DARS1: variants seen among roughly 807,000 people sequenced by gnomAD.
The protein encoded by DARS1 is aspartate--tRNA ligase, cytoplasmic.
Under a neutral mutation model 68.8 loss-of-function variants are expected in DARS1, and 51 were observed. The observed-to-expected ratio is 0.74, with a 90% CI of 0.59 to 0.94. The LOEUF (loss-of-function observed/expected upper bound fraction) is 0.94, where lower values mean the gene tolerates loss of function less well. Ranked by LOEUF, DARS1 falls within the 40% of genes least tolerant of loss-of-function variation. The pLI, the probability that DARS1 is intolerant of heterozygous loss-of-function variation, is 0.00. For synonymous variants in DARS1, 203 were observed against 190.4 expected, an observed-to-expected ratio of 1.07 and a Z score of -0.55; for missense variants, 607 against 597.3, an observed-to-expected ratio of 1.02 and a Z score of -0.17.
At chr2:135,973,385 T>C (rs938256615) in intron 3 of DARS1, among the ~76,000 whole-genome samples, 1 of 151,432 alleles carries the variant, frequency 6.6e-6, no homozygotes, top group African/African-American at 2.4e-5. Context: ...ATTGAACTCA[T>C]GGATATAGAG....
chr2:135,926,663 T>G (rs1383625474), intron 7 of DARS1, among the ~76,000 whole-genome samples: 1 of 152,222 alleles, frequency 6.6e-6, no homozygotes, highest in Non-Finnish European at 1.5e-5. Flanking sequence ...AAACAAATAT[T>G]TCAAAATACA....
At chr2:135,936,783 G>A (rs1681480191) in intron 5 of DARS1, among the ~76,000 whole-genome samples, 1 of 151,866 alleles carries the variant, frequency 6.6e-6, no homozygotes, top group African/African-American at 2.4e-5. Context: ...AAATTACAAG[G>A]TTTTGTAAGT....
chr2:135,957,802 G>A (rs1682012273), intron 4 of DARS1, among the ~76,000 whole-genome samples: 1 of 152,084 alleles, frequency 6.6e-6, no homozygotes, highest in South Asian at 2.1e-4. Flanking sequence ...GTTCTGTCAT[G>A]TTACTTAAAG....
intron 7 of DARS1, among the ~76,000 whole-genome samples, chr2:135,928,763 C>T (rs373120525): frequency 1.4e-5 from 2 of 147,992 alleles, no homozygotes; most frequent in African/African-American, 2.5e-5. Context: ...CTCTGCCTCC[C>T]GAGTAGCTGG....
chr2:135,907,173 T>G lies in DARS1; in HGVS notation c.*143A>C. 2.0e-6 allele frequency: 1 copy of G among 496,340 alleles called. No individual in the cohort carries two copies. Among genetic ancestry groups the G allele is most frequent in the Non-Finnish European group, 3.5e-6 (1 of 283,440 alleles). The allele number at this position is 496,340 out of a possible 1,614,324, so 30.7% of individuals were successfully genotyped here. On this transcript the variant is annotated 3_prime_UTR_variant, in exon 16 of 16. Transcript: ENST00000264161. ...TTAGGGCCTTGCAAATTTATTCTAGTGCATATTTTAAGTACCTAAAGTACA... is the reference window on the plus strand; with the variant it reads ...TTAGGGCCTTGCAAATTTATTCTAGGGCATATTTTAAGTACCTAAAGTACA...
At position 135,955,673 on chromosome 2, in the gene DARS1, CTTTTTTTTTTTTTTTT is replaced by C. The variant is rs75123258; in HGVS notation, c.320+5707_320+5722del. Among the ~76,000 whole-genome samples the C allele has an allele frequency of 4.4e-3, 271 of 61,370 alleles. 4 individuals are homozygous for C. The highest frequency in any genetic ancestry group is 0.017 in the African/African-American group (240 of 13,766). The allele number at this position is 61,370 out of a possible 152,430, so 40.3% of individuals were successfully genotyped here. A position where few individuals can be genotyped will look rare whatever the true frequency, so the allele number is the denominator to read the frequency against. ...ACCACCACCTTTTGAAAATAAAAAT[CTTTTTTTTTTTTTTTT>C]TTTTTTTTTTTTTTTTAGACAGGGT... is the stretch of plus-strand genomic sequence containing the variant. On this transcript the variant is annotated intron_variant, in intron 4 of 15. Coordinates refer to ENST00000264161, the MANE Select transcript of DARS1 (RefSeq NM_001349.4).
rs893278890 is a variant in DARS1, at chr2:135,972,859, C to T, written c.217+6415G>A. 5.3e-5 allele frequency among the ~76,000 whole-genome samples: 8 copies of T among 152,282 alleles called. No homozygotes were observed. In the East Asian group the frequency reaches 1.4e-3, roughly 26 times the overall value. ...CACTGATCTTCAGAGGAATGCAAATCAAAACTACAATGAGGTATCATCTCC... is the reference window on the plus strand; with the variant it reads ...CACTGATCTTCAGAGGAATGCAAATTAAAACTACAATGAGGTATCATCTCC... On this transcript the variant is annotated intron_variant, in intron 3 of 15. Coordinates refer to ENST00000264161, the MANE Select transcript of DARS1 (RefSeq NM_001349.4).
chr2:135,939,225 T>C (rs1681541343), intron 5 of DARS1, among the ~76,000 whole-genome samples: 1 of 152,118 alleles, frequency 6.6e-6, no homozygotes, highest in African/African-American at 2.4e-5. Context: ...AGCACCACAT[T>C]GCACTTATTC....
intron 4 of DARS1, among the ~76,000 whole-genome samples, chr2:135,952,226 A>G (rs1487195448): frequency 1.3e-5 from 2 of 152,174 alleles, no homozygotes; most frequent in East Asian, 3.8e-4. Flanking sequence ...CCTTGGCAAC[A>G]AGAGTGAGAC....
rs534259902 is a variant in DARS1, at chr2:135,948,810, CAG to C, written c.321-5332_321-5331del. Among the ~76,000 whole-genome samples, 35 of 150,214 alleles carry C rather than the reference CAG, an allele frequency of 2.3e-4. No individual in the cohort carries two copies. The South Asian group carries it at 2.9e-3, about 13-fold the overall frequency. On this transcript the variant is annotated intron_variant, in intron 4 of 15. Transcript: ENST00000264161. The stretch of plus-strand genomic sequence containing the variant: ...GCTTTAACCTGGGAGGCAGAGGCTG[CAG>C]AGAGTCAAGATTGTGCCACTGCATT...
Position 135,908,616 on chromosome 2 carries a change from G to GT in DARS1, c.1415-1210dup, listed in dbSNP as rs571838982. On this transcript the variant is annotated intron_variant, in intron 15 of 15. Transcript: ENST00000264161. The stretch of plus-strand genomic sequence containing the variant: ...TTTAACAATTGCCATTCTGACTGGC[G>GT]TGAGATGGTATCTCATTGTGGTTTT... 2.0e-5 allele frequency among the ~76,000 whole-genome samples: 3 copies of GT among 152,252 alleles called. No individual in the cohort carries two copies. In the South Asian group the frequency reaches 6.2e-4, roughly 32 times the overall value.
intron 4 of DARS1, among the ~76,000 whole-genome samples, chr2:135,960,585 CACTT>C (rs1682077557): frequency 6.6e-6 from 1 of 152,032 alleles, no homozygotes; most frequent in African/African-American, 2.4e-5. Context: ...TTTTAAAAAA[CACTT>C]ACACACTATG....
chr2:135,924,628 A>C (rs1681176194), intron 7 of DARS1, 130 bp from the exon 8 acceptor site: 1 of 1,358,466 alleles, frequency 7.4e-7, no homozygotes. Flanking sequence ...AATTGGAGAG[A>C]AGACGAAAGG....
chr2:135,930,590 T>C (rs1681320292), intron 7 of DARS1, among the ~76,000 whole-genome samples: 1 of 152,166 alleles, frequency 6.6e-6, no homozygotes, highest in South Asian at 2.1e-4. Context: ...TATTCCACAG[T>C]ATAAGAAACC....
chr2:135,910,894 A>C, intron 15 of DARS1: 1 of 406,378 alleles, frequency 2.5e-6, no homozygotes, highest in East Asian at 4.8e-5. Flanking sequence ...ATGAACTCAC[A>C]GCAGCAGAGA....
intron 1 of DARS1, 103 bp downstream of exon 1, chr2:135,985,300 G>C: frequency 2.0e-6 from 3 of 1,467,038 alleles, no homozygotes; most frequent in Non-Finnish European, 2.7e-6. Context: ...TGCGGAGAAC[G>C]TGCCGACAAG....
intron 15 of DARS1, among the ~76,000 whole-genome samples, chr2:135,908,843 T>C (rs188526029): frequency 5.5e-4 from 84 of 152,336 alleles, no homozygotes; most frequent in Admixed American, 2.0e-3. Context: ...TGTATGTTCA[T>C]TGCAGCACTA....
chr2:135,949,535 T>C (rs1681799905), intron 4 of DARS1, among the ~76,000 whole-genome samples: 1 of 152,188 alleles, frequency 6.6e-6, no homozygotes, highest in Admixed American at 6.5e-5. Flanking sequence ...GGGTATTGCA[T>C]CTTCCTGCTT....
Position 135,943,316 on chromosome 2 carries a change from A to G in DARS1, c.423+62T>C, listed in dbSNP as rs1681647986. On this transcript the variant is annotated intron_variant, in intron 5 of 15. Coordinates refer to ENST00000264161, the MANE Select transcript of DARS1 (RefSeq NM_001349.4). ...ATTAGTAAGAACATATAAATTTGAC[A>G]TGAAAACTATTAGAACCCAAATCTA... 9.6e-6 allele frequency: 15 copies of G among 1,563,470 alleles called. 1 individual carries two copies. In the East Asian group the frequency reaches 3.4e-4, roughly 35 times the overall value.
Sources: gnomAD v4.1 joint callset for allele counts (sites outside exome capture counted in the v4.1 genomes callset) on GRCh38, gnomAD v4.1.1 for gene constraint, MANE v1.5 for transcripts, NCBI Gene and HGNC (gene_info 2026-07-23, HGNC 2026-07-21) for gene names.